ROR2: variants seen among roughly 807,000 people sequenced by gnomAD.
ROR2 encodes ROR family WNT receptor 2, also known as tyrosine-protein kinase transmembrane receptor ROR2.
Under a neutral mutation model 74.9 loss-of-function variants are expected in ROR2, and 33 were observed. The ratio of observed to expected loss-of-function variants is 0.44; its 90% CI spans 0.33 to 0.59. ROR2 has a LOEUF of 0.59. Ranked by LOEUF, ROR2 falls within the 20% of genes least tolerant of loss-of-function variation. ROR2 has a pLI of 0.02. For missense variants in ROR2, 1,216 were observed against 1,313.8 expected, an observed-to-expected ratio of 0.93 and a Z score of 1.15; for synonymous variants, 586 against 558.7, an observed-to-expected ratio of 1.05 and a Z score of -0.69.
rs143065873 is a variant in ROR2, at chr9:91,872,675, G to A, written c.97+77192C>T. 1.3e-3 allele frequency among the ~76,000 whole-genome samples: 203 copies of A among 152,278 alleles called. 1 individual carries two copies. The highest frequency in any genetic ancestry group is 2.1e-3 in the Non-Finnish European group (143 of 68,020). Reference sequence around the variant, plus strand: ...TCGACTGCTGAAACACAGGGCGTGCGTTTTATTATATTACAGAGGCTGGGC... The same window carrying A: ...TCGACTGCTGAAACACAGGGCGTGCATTTTATTATATTACAGAGGCTGGGC... On this transcript the variant is annotated intron_variant, in intron 1 of 8. Transcript: ENST00000375708.
At chr9:91,943,630 G>A (rs970687777) in intron 1 of ROR2, among the ~76,000 whole-genome samples, 4 of 152,156 alleles carry the variant, frequency 2.6e-5, no homozygotes, top group African/African-American at 9.7e-5. Flanking sequence ...TAAGAAGGGT[G>A]CCAGTTTTGC....
intron 4 of ROR2, among the ~76,000 whole-genome samples, chr9:91,750,448 G>A (rs552137606): frequency 2.6e-5 from 4 of 152,188 alleles, no homozygotes; most frequent in African/African-American, 7.2e-5. Context: ...TTATTGATTC[G>A]TGGAAAACGC....
rs143176239 is a variant in ROR2 at position 91,915,458 on chromosome 9, A to C, written c.97+34409T>G. Among the ~76,000 whole-genome samples the C allele has an allele frequency of 3.3e-3, 506 of 152,182 alleles. 2 individuals are homozygous for C. The highest frequency in any genetic ancestry group is 6.8e-3 in the Middle Eastern group (2 of 294). On this transcript the variant is annotated intron_variant, in intron 1 of 8. Transcript: ENST00000375708. ...CAGCTCTTAAAGGTGGTGTGTCTGGAGTTTTTCTTCCGGTGGGTTCGTGGT... is the reference window on the plus strand; with the variant it reads ...CAGCTCTTAAAGGTGGTGTGTCTGGCGTTTTTCTTCCGGTGGGTTCGTGGT...
At chr9:91,861,059 T>C (rs1829455274) in intron 1 of ROR2, among the ~76,000 whole-genome samples, 1 of 152,124 alleles carries the variant, frequency 6.6e-6, no homozygotes, top group Non-Finnish European at 1.5e-5. Flanking sequence ...CCCAAAAAAG[T>C]ACAAGGCTTA....
chr9:91,884,475 TA>T (rs34401137), intron 1 of ROR2, among the ~76,000 whole-genome samples: 17,604 of 137,602 alleles, frequency 0.13, 1,945 homozygotes, highest in African/African-American at 0.31. Flanking sequence ...TGATTACCTT[TA>T]AAAAAAAAAA....
At chr9:91,941,390 T>C (rs1254013230) in intron 1 of ROR2, among the ~76,000 whole-genome samples, 1 of 152,222 alleles carries the variant, frequency 6.6e-6, no homozygotes, top group East Asian at 1.9e-4. Flanking sequence ...GGTTCACTAA[T>C]GTGTCACTCT....
At chr9:91,872,314 C>A (rs1829820502) in intron 1 of ROR2, among the ~76,000 whole-genome samples, 1 of 152,178 alleles carries the variant, frequency 6.6e-6, no homozygotes, top group Non-Finnish European at 1.5e-5. Context: ...CAGGCTGGCA[C>A]CGTTCGTCCT....
At chr9:91,806,007 A>G (rs1370382475) in intron 1 of ROR2, among the ~76,000 whole-genome samples, 1 of 152,210 alleles carries the variant, frequency 6.6e-6, no homozygotes, top group African/African-American at 2.4e-5. Flanking sequence ...AACAAGCCTG[A>G]TTTTAATTTG....
In ROR2 at chr9:91,726,660, A is replaced by T. The variant is rs769780103; in HGVS notation, c.1267T>A (p.Phe423Ile). ...TTATTCCGGCACATGCAAACCAAGA[A>T]GAAAAGGCAAGCGATGACCAGTGGA... ...AIPLVIACLF[F>I]LVCMCRNKQK... The change falls in exon 8 of 9, where the codon TTC (phenylalanine) becomes ATC (isoleucine). Residue 423 changes from phenylalanine to isoleucine, a missense_variant. By Grantham distance (21) the Phe-to-Ile change is conservative. Coordinates refer to ENST00000375708, the MANE Select transcript of ROR2 (RefSeq NM_004560.4). 1 of 1,614,052 alleles carries T rather than the reference A, an allele frequency of 6.2e-7. No individual in the cohort carries two copies. Among genetic ancestry groups the T allele is most frequent in the East Asian group, 2.2e-5 (1 of 44,860 alleles).
At chr9:91,880,477 G>A (rs1379396059) in intron 1 of ROR2, among the ~76,000 whole-genome samples, 1 of 152,222 alleles carries the variant, frequency 6.6e-6, no homozygotes, top group Non-Finnish European at 1.5e-5. Flanking sequence ...AGTGCTGTGA[G>A]CACACTAATA....
chr9:91,900,660 A>G (rs111444292), intron 1 of ROR2, among the ~76,000 whole-genome samples: 7,892 of 152,272 alleles, frequency 0.052, 265 homozygotes, highest in African/African-American at 0.078. Context: ...CGTCGGTTCC[A>G]TGGACTGGGG....
intron 2 of ROR2, among the ~76,000 whole-genome samples, chr9:91,767,606 G>A (rs1300499114): frequency 6.6e-6 from 1 of 152,228 alleles, no homozygotes; most frequent in Non-Finnish European, 1.5e-5. Context: ...AGGACATAAA[G>A]CTGCTCCTCC....
At chr9:91,780,911 T>C (rs1362699690) in intron 1 of ROR2, among the ~76,000 whole-genome samples, 2 of 152,266 alleles carry the variant, frequency 1.3e-5, no homozygotes, top group Non-Finnish European at 2.9e-5. Flanking sequence ...AGCAAGCATT[T>C]ATTAATGAAG....
intron 1 of ROR2, among the ~76,000 whole-genome samples, chr9:91,824,565 T>C (rs574656670): frequency 2.0e-5 from 3 of 152,196 alleles, no homozygotes; most frequent in South Asian, 2.1e-4. Flanking sequence ...TCACCAAAAA[T>C]GTAGTAGGAA....
At chr9:91,808,272 A>G (rs181979758) in intron 1 of ROR2, among the ~76,000 whole-genome samples, 1 of 152,194 alleles carries the variant, frequency 6.6e-6, no homozygotes, top group African/African-American at 2.4e-5. Flanking sequence ...CTAAATATGC[A>G]CTTTGAATGT....
chr9:91,851,743 G>A (rs181905910), intron 1 of ROR2, among the ~76,000 whole-genome samples: 2 of 152,094 alleles, frequency 1.3e-5, no homozygotes, highest in African/African-American at 2.4e-5. Flanking sequence ...TTGGGAGGCC[G>A]AAGCGGGCAG....
At chr9:91,892,049 G>GAAA (rs1587826445) in intron 1 of ROR2, among the ~76,000 whole-genome samples, 1 of 64,560 alleles carries the variant, frequency 1.5e-5, no homozygotes, top group African/African-American at 9.6e-5. Flanking sequence ...ATCTGTCTAA[G>GAAA]AAGAAAAAAA....
chr9:91,744,213 CTTTTTTTTT>C (rs1167780367), intron 4 of ROR2, among the ~76,000 whole-genome samples: 6 of 89,082 alleles, frequency 6.7e-5, no homozygotes, highest in African/African-American at 2.7e-4. Context: ...AATTTGTTAA[CTTTTTTTTT>C]TTTTTTTTTT....
At chr9:91,736,618 T>A (rs1428239212) in intron 5 of ROR2, among the ~76,000 whole-genome samples, 4 of 152,092 alleles carry the variant, frequency 2.6e-5, no homozygotes, top group Admixed American at 2.6e-4. Flanking sequence ...GTGGAGAGAG[T>A]AGAGACAGCA....
Sources: gnomAD v4.1 joint callset for allele counts (sites outside exome capture counted in the v4.1 genomes callset) on GRCh38, gnomAD v4.1.1 for gene constraint, MANE v1.5 for transcripts, NCBI Gene and HGNC (gene_info 2026-07-23, HGNC 2026-07-21) for gene names.